Variants in HACL1 observed in about 807,000 individuals in gnomAD.
HACL1 encodes the protein 2-hydroxyacyl-CoA lyase 1.
Under a neutral mutation model 74.2 loss-of-function variants are expected in HACL1, and 64 were observed. The ratio of observed to expected loss-of-function variants is 0.86; its 90% CI spans 0.70 to 1.06. The LOEUF is 1.06. HACL1 is among the 50% of genes least tolerant of loss of function. The pLI, the probability that HACL1 is intolerant of heterozygous loss-of-function variation, is 0.00. For synonymous variants in HACL1, 230 were observed against 238.8 expected, an observed-to-expected ratio of 0.96 and a Z score of 0.34; for missense variants, 728 against 719.7, an observed-to-expected ratio of 1.01 and a Z score of -0.13.
intron 3 of HACL1, among the ~76,000 whole-genome samples, chr3:15,592,282 G>T (rs1159956829): frequency 7.0e-6 from 1 of 143,720 alleles, no homozygotes; most frequent in Non-Finnish European, 1.5e-5. Flanking sequence ...GTATACATAC[G>T]TGTATATGTA....
chr3:15,591,737 C>A (rs2063899224), intron 3 of HACL1, 57 bp from the exon 4 acceptor site: 2 of 1,115,152 alleles, frequency 1.8e-6, no homozygotes, highest in Non-Finnish European at 2.7e-6. Flanking sequence ...TGATTCATAA[C>A]ACTTTAGTGT....
chr3:15,591,664 C>T lies in HACL1; in HGVS notation c.244G>A (p.Val82Ile), dbSNP rs771971209. The T allele has an allele frequency of 8.1e-6, 13 of 1,611,126 alleles. No individual in the cohort carries two copies. The Middle Eastern group carries it at 8.2e-4, about 102-fold the overall frequency. ...TGGATGAGACCTGGGCCAGAAACAA[C>T]AAGGCAGACTCCTGGCCTAAAAGCA... ...YLTSRPGVCL[V>I]VSGPGLIHAL... Residue 82 changes from valine to isoleucine, a missense_variant, in exon 4 of 17, where the codon GTT becomes ATT. Physicochemically the swap from Val to Ile is conservative, Grantham distance 29 (BLOSUM62 3). Coordinates refer to ENST00000321169, the MANE Select transcript of HACL1 (RefSeq NM_012260.4).
intron 14 of HACL1, among the ~76,000 whole-genome samples, chr3:15,564,990 C>T (rs1028431956): frequency 2.6e-5 from 4 of 152,020 alleles, no homozygotes; most frequent in Admixed American, 1.3e-4. Context: ...TATGGTGAAA[C>T]CCCGTCTCTA....
chr3:15,576,697 TTTTG>T (rs1358136718), intron 9 of HACL1, among the ~76,000 whole-genome samples: 1 of 152,176 alleles, frequency 6.6e-6, no homozygotes, highest in Non-Finnish European at 1.5e-5. Flanking sequence ...GTGGGTTTTG[TTTTG>T]TTTTTCACTT....
chr3:15,584,793 GTTTA>G (rs967151437), intron 7 of HACL1, among the ~76,000 whole-genome samples: 3 of 152,132 alleles, frequency 2.0e-5, no homozygotes, highest in Admixed American at 1.3e-4. Flanking sequence ...TTCACTTAGT[GTTTA>G]TTTAAGAAAT....
At chr3:15,593,115 A>C (rs560153300) in intron 3 of HACL1, among the ~76,000 whole-genome samples, 3 of 141,342 alleles carry the variant, frequency 2.1e-5, no homozygotes, top group African/African-American at 8.5e-5. Context: ...GTGTGTATAT[A>C]TACACACACA....
chr3:15,572,200 T>A (rs985619694), intron 11 of HACL1, among the ~76,000 whole-genome samples: 6 of 152,222 alleles, frequency 3.9e-5, no homozygotes, highest in African/African-American at 1.4e-4. Flanking sequence ...AAGAAGACTA[T>A]ACGGCCATAC....
chr3:15,583,816 C>G (rs905804652), intron 7 of HACL1, among the ~76,000 whole-genome samples: 5 of 151,954 alleles, frequency 3.3e-5, no homozygotes, highest in Non-Finnish European at 7.4e-5. Context: ...TGCCACCAAG[C>G]CTGGCTAATT....
intron 8 of HACL1, 102 bp downstream of exon 8, chr3:15,582,775 C>A: frequency 3.4e-6 from 2 of 588,940 alleles, no homozygotes; most frequent in Non-Finnish European, 6.1e-6. Context: ...ATTCTTATTC[C>A]AATCTCAAAC....
At chr3:15,568,807 C>T (rs1230877332) in intron 12 of HACL1, among the ~76,000 whole-genome samples, 2 of 152,180 alleles carry the variant, frequency 1.3e-5, no homozygotes, top group Non-Finnish European at 2.9e-5. Flanking sequence ...ATTAAATAAG[C>T]TCGGGAATAT....
rs574738860 is a variant in HACL1, at chr3:15,568,537, T to A, written c.1145A>T (p.Tyr382Phe). ...TCTAGGTAGTTGTTCTTGAACATGG[T>A]AGAATACTGTGTAATAATTCATAGG... Reference protein sequence around the residue: ...SLPMNYYTVFYHVQEQLPRDC... With the variant: ...SLPMNYYTVFFHVQEQLPRDC... The change falls in exon 13 of 17, where the codon TAC (tyrosine) becomes TTC (phenylalanine). Residue 382 changes from tyrosine (Y) to phenylalanine (F), a missense_variant. Physicochemically the swap from Tyr to Phe is conservative, Grantham distance 22. Coordinates refer to ENST00000321169, the MANE Select transcript of HACL1 (RefSeq NM_012260.4). 1.5e-5 allele frequency: 24 copies of A among 1,586,676 alleles called. No homozygotes were observed. In the African/African-American group the frequency reaches 2.0e-4, roughly 13 times the overall value.
Position 15,580,049 on chromosome 3 carries a change from T to C in HACL1, c.668-4A>G, listed in dbSNP as rs917740039. 1.2e-6 allele frequency: 2 copies of C among 1,610,676 alleles called. No homozygotes were observed. The highest frequency in any genetic ancestry group is 1.3e-5 in the African/African-American group (1 of 74,822). ...TCTGCATGAGCGTAAGCAGCACCTA[T>C]AAGAAATGCAAATGTATTGGACAAT... is the stretch of plus-strand genomic sequence containing the variant. On this transcript the variant is annotated splice_region_variant and splice_polypyrimidine_tract_variant and intron_variant, in intron 8 of 16. Transcript: ENST00000321169.
At chr3:15,596,198 C>G (rs1278228432) in intron 3 of HACL1, 186 bp downstream of exon 3, 5 of 552,260 alleles carry the variant, frequency 9.1e-6, no homozygotes, top group Non-Finnish European at 1.6e-5. Context: ...GTGTTCCACT[C>G]TGAAACACTT....
At chr3:15,581,403 G>A (rs947489694) in intron 8 of HACL1, among the ~76,000 whole-genome samples, 7 of 151,934 alleles carry the variant, frequency 4.6e-5, no homozygotes, top group African/African-American at 1.7e-4. Context: ...CTGAATCCTA[G>A]TAAACAGTAT....
Position 15,563,414 on chromosome 3 carries a change from T to C in HACL1, c.1648A>G (p.Thr550Ala), listed in dbSNP as rs566210671. 6.2e-7 allele frequency: 1 copy of C among 1,613,710 alleles called. No individual in the cohort carries two copies. Among genetic ancestry groups the C allele is most frequent in the East Asian group, 2.2e-5 (1 of 44,886 alleles). Residue 550 changes from threonine (T) to alanine (A), a missense_variant, in exon 16 of 17, where the codon ACT becomes GCT. Transcript: ENST00000321169. ...ATGATGTTGATAAGAGAAGGTTTAG[T>C]TGTGTCTGCTAGGCTCTGCCTCAGG... ...KSLRQSLADT[T>A]KPSLINIMIE...
At chr3:15,578,454 AG>A (rs2063663719) in intron 9 of HACL1, among the ~76,000 whole-genome samples, 1 of 152,212 alleles carries the variant, frequency 6.6e-6, no homozygotes, top group African/African-American at 2.4e-5. Flanking sequence ...ACCCACACAG[AG>A]GGTAAGTTTC....
intron 11 of HACL1, among the ~76,000 whole-genome samples, chr3:15,572,092 G>A (rs771964576): frequency 6.6e-6 from 1 of 151,736 alleles, no homozygotes; most frequent in African/African-American, 2.4e-5. Context: ...TACCTGTCTC[G>A]GCCTCCCAAA....
At chr3:15,577,211 C>T (rs1328941206) in intron 9 of HACL1, among the ~76,000 whole-genome samples, 1 of 152,014 alleles carries the variant, frequency 6.6e-6, no homozygotes, top group Non-Finnish European at 1.5e-5. Flanking sequence ...CCCTCAGAAG[C>T]CAGGTGCTCA....
chr3:15,596,278 A>T (rs1200107808), intron 3 of HACL1, 106 bp downstream of exon 3: 1 of 683,424 alleles, frequency 1.5e-6, no homozygotes, highest in African/African-American at 1.8e-5. Flanking sequence ...GTTATTTAAT[A>T]TATTTTTCTA....
Sources: allele counts gnomAD v4.1 joint callset (sites outside exome capture counted in the v4.1 genomes callset), GRCh38; gene constraint gnomAD v4.1.1; transcripts MANE v1.5; gene names NCBI Gene and HGNC (gene_info 2026-07-23, HGNC 2026-07-21).